ADARB1: variants seen among roughly 807,000 people sequenced by gnomAD.
ADARB1 encodes the protein adenosine deaminase RNA specific B1, also known as double-stranded RNA-specific editase 1.
A neutral mutation model predicts 52.4 loss-of-function variants in ADARB1; 10 were observed. That is an observed-to-expected ratio of 0.19 (90% CI 0.12 to 0.32). The LOEUF (loss-of-function observed/expected upper bound fraction) is 0.32. Ranked by LOEUF, ADARB1 falls within the 10% of genes least tolerant of loss-of-function variation. The pLI is 1.00. For missense variants in ADARB1, 643 were observed against 922.3 expected (o/e 0.70, Z 3.92); for synonymous variants, 349 against 371.1 (o/e 0.94, Z 0.68).
intron 1 of ADARB1, among the ~76,000 whole-genome samples, chr21:45,097,946 G>C (rs2086835496): frequency 6.6e-6 from 1 of 152,098 alleles, no homozygotes; most frequent in Admixed American, 6.5e-5. Flanking sequence ...TCTGAAACCA[G>C]AGCTTCATTT....
In ADARB1 at chr21:45,175,917, A is replaced by G; in HGVS notation, c.216A>G (p.Lys72=). 6.2e-7 allele frequency: 1 copy of G among 1,609,962 alleles called. No individual in the cohort carries two copies. Among genetic ancestry groups the G allele is most frequent in the South Asian group, 1.1e-5 (1 of 90,638 alleles). ...AGTACCGCCTGAAGAAAAGGAGGAA[A>G]ACACCAGGGCCCGTCCTCCCCAAGA... The part of the protein sequence containing the change: ...HSKYRLKKRR[K]TPGPVLPKNA... Residue 72 remains lysine, a synonymous_variant, in exon 4 of 11, where the codon AAA becomes AAG. Transcript: ENST00000348831.
chr21:45,191,864 ATATATATATATATATATTTTTTTTTT>A (rs1283885811), intron 8 of ADARB1, among the ~76,000 whole-genome samples: 18 of 20,436 alleles, frequency 8.8e-4, no homozygotes, highest in African/African-American at 3.0e-3. Context: ...ATATATATAT[ATATATATATATATATATTTTTTTTTT>A]TTTTTTTTTT....
rs1452008658 is a variant in ADARB1 at position 45,142,582 on chromosome 21, G to A, written c.-48+14009G>A. Among the ~76,000 whole-genome samples the A allele has an allele frequency of 6.6e-6, 1 of 152,172 alleles. No homozygotes were observed. Among genetic ancestry groups the A allele is most frequent in the Non-Finnish European group, 1.5e-5 (1 of 68,018 alleles). On this transcript the variant is annotated intron_variant, in intron 2 of 10. Transcript: ENST00000348831. This position sits in a 1 kb window ranked among gnomAD's most constrained non-coding sequence, Gnocchi z 4.0. ...GGAGTGTGGGTCCCCAGGTTGGAGA[G>A]CTCTGGATTTGGAGTGGATCCTAGC...
intron 1 of ADARB1, among the ~76,000 whole-genome samples, chr21:45,110,454 G>A (rs578202599): frequency 1.2e-4 from 19 of 152,232 alleles, no homozygotes; most frequent in Non-Finnish European, 2.6e-4. Flanking sequence ...AAGAGCCAGT[G>A]AGGCGGGGGT....
At chr21:45,106,139 CT>C (rs2087244022) in intron 1 of ADARB1, among the ~76,000 whole-genome samples, 1 of 54,332 alleles carries the variant, frequency 1.8e-5, no homozygotes, top group Non-Finnish European at 4.9e-5. Flanking sequence ...GTATTCCTTT[CT>C]TTGCCTTTAA....
At chr21:45,140,066 C>T (rs2089636858) in intron 2 of ADARB1, among the ~76,000 whole-genome samples, 1 of 151,316 alleles carries the variant, frequency 6.6e-6, no homozygotes, top group Non-Finnish European at 1.5e-5. Flanking sequence ...GCCTCAGCCT[C>T]CCTAGTAGCT....
chr21:45,136,208 G>A (rs1398929202), intron 2 of ADARB1, among the ~76,000 whole-genome samples: 2 of 152,184 alleles, frequency 1.3e-5, no homozygotes, highest in Non-Finnish European at 2.9e-5. Flanking sequence ...TCTGAGCTCT[G>A]GTTCTGGCCT....
intron 2 of ADARB1, among the ~76,000 whole-genome samples, chr21:45,165,982 G>C (rs2091240062): frequency 6.6e-6 from 1 of 152,122 alleles, no homozygotes; most frequent in African/African-American, 2.4e-5. Flanking sequence ...AAGTTCACCA[G>C]TTGTCTTAAA....
chr21:45,103,982 C>T (rs890302103), intron 1 of ADARB1, among the ~76,000 whole-genome samples: 12 of 152,048 alleles, frequency 7.9e-5, no homozygotes, highest in African/African-American at 2.9e-4. Context: ...TTTTGAAAAC[C>T]GAGTAGTCAG....
chr21:45,190,415 CT>C (rs1440828161), intron 8 of ADARB1, among the ~76,000 whole-genome samples: 5 of 152,030 alleles, frequency 3.3e-5, no homozygotes, highest in Admixed American at 3.3e-4. Context: ...ATTTTAAATT[CT>C]TTTTTAGACA....
Position 45,223,594 on chromosome 21 carries a change from C to T in ADARB1, c.*1397C>T. The stretch of plus-strand genomic sequence containing the variant: ...GGTGTTCAGGTGGGTCTCCTGGGGC[C>T]ATGGGGAGAGATTGGTGCAGACCTT... On this transcript the variant is annotated 3_prime_UTR_variant, in exon 11 of 11. Coordinates refer to ENST00000348831, the MANE Select transcript of ADARB1 (RefSeq NM_001112.4). The T allele has an allele frequency of 1.0e-6, 1 of 985,746 alleles. No individual in the cohort carries two copies. The highest frequency in any genetic ancestry group is 1.2e-6 in the Non-Finnish European group (1 of 830,202). The allele number at this position is 985,746 out of a possible 1,614,324, so 61.1% of individuals were successfully genotyped here. A position where few individuals can be genotyped will look rare whatever the true frequency, so the allele number is the denominator to read the frequency against.
chr21:45,133,704 C>T (rs1481624081), intron 2 of ADARB1: 8 of 250,148 alleles, frequency 3.2e-5, no homozygotes, highest in South Asian at 7.3e-5. Flanking sequence ...ACGGTGTGTG[C>T]GACCGATGGG....
intron 8 of ADARB1, among the ~76,000 whole-genome samples, chr21:45,188,365 C>T (rs1215076405): frequency 6.6e-6 from 1 of 152,178 alleles, no homozygotes; most frequent in Non-Finnish European, 1.5e-5. Context: ...CCTCGGCCTC[C>T]CAAAGTGCTG....
intron 2 of ADARB1, among the ~76,000 whole-genome samples, chr21:45,160,898 A>G (rs1245154741): frequency 1.3e-5 from 2 of 152,246 alleles, no homozygotes; most frequent in African/African-American, 4.8e-5. Context: ...TTAACAGAAA[A>G]CAAGTTGAAA....
rs148818787 is a variant in ADARB1 at position 45,142,779 on chromosome 21, G to A, written c.-48+14206G>A. 2.0e-3 allele frequency among the ~76,000 whole-genome samples: 311 copies of A among 152,308 alleles called. 1 individual carries two copies. The highest frequency in any genetic ancestry group is 6.9e-3 in the African/African-American group (288 of 41,570). ...GAACTCAGGGGTGTGGCCTGGCTCC[G>A]TCATGTGTTTTGCAGGGGGATCTGA... On this transcript the variant is annotated intron_variant, in intron 2 of 10. Coordinates refer to ENST00000348831, the MANE Select transcript of ADARB1 (RefSeq NM_001112.4). The surrounding 1 kb of genome is among the most constrained non-coding windows in gnomAD (Gnocchi z 4.0).
intron 1 of ADARB1, among the ~76,000 whole-genome samples, chr21:45,093,880 C>T (rs1267989174): frequency 6.6e-6 from 1 of 152,178 alleles, no homozygotes. Flanking sequence ...CGACCCTGCA[C>T]AGCACATGGG....
In ADARB1 at chr21:45,200,914, A is replaced by G. The variant is rs2092539902; in HGVS notation, c.1566-3641A>G. ...TGAATCAGGGGACAGATCAGATGAT[A>G]GCAGTCTGGACTCTGTTCCTAAAGA... On this transcript the variant is annotated intron_variant, in intron 8 of 10. Coordinates refer to ENST00000348831, the MANE Select transcript of ADARB1 (RefSeq NM_001112.4). The surrounding 1 kb of genome is among the most constrained non-coding windows in gnomAD (Gnocchi z 5.0). 6.6e-6 allele frequency among the ~76,000 whole-genome samples: 1 copy of G among 152,206 alleles called. No homozygotes were observed. The highest frequency in any genetic ancestry group is 1.5e-5 in the Non-Finnish European group (1 of 68,038).
intron 2 of ADARB1, among the ~76,000 whole-genome samples, chr21:45,136,043 CT>C (rs1216557572): frequency 6.6e-6 from 1 of 152,194 alleles, no homozygotes; most frequent in African/African-American, 2.4e-5. Context: ...TGTGTTCATC[CT>C]GTGGTGTCCC....
chr21:45,166,121 A>G (rs2091244951), intron 2 of ADARB1, among the ~76,000 whole-genome samples: 1 of 152,076 alleles, frequency 6.6e-6, no homozygotes, highest in African/African-American at 2.4e-5. Context: ...TTATTCCAGG[A>G]TATGTTTTTT....
Sources: gnomAD v4.1 joint callset for allele counts (sites outside exome capture counted in the v4.1 genomes callset) on GRCh38, gnomAD v4.1.1 for gene constraint, Gnocchi (gnomAD v3.1) non-coding constraint, MANE v1.5 for transcripts, NCBI Gene and HGNC (gene_info 2026-07-23, HGNC 2026-07-21) for gene names.